The following VMP1 variants were observed in gnomAD, a reference collection of about 807,000 sequenced individuals.
VMP1 encodes the protein ectopic P-granules autophagy protein 3 homolog.
Under a neutral mutation model 56.0 loss-of-function variants are expected in VMP1, and 11 were observed. The ratio of observed to expected loss-of-function variants is 0.20; its 90% CI spans 0.12 to 0.32. VMP1 has a LOEUF of 0.32. Ranked by LOEUF, VMP1 falls within the 10% of genes least tolerant of loss-of-function variation. The probability of loss-of-function intolerance (pLI) is 1.00; values close to 1 mark genes in which losing one functional copy is unlikely to be tolerated. For synonymous variants in VMP1, 149 were observed against 165.0 expected, an observed-to-expected ratio of 0.90 and a Z score of 0.74; for missense variants, 296 against 490.3, an observed-to-expected ratio of 0.60 and a Z score of 3.74.
intron 10 of VMP1, among the ~76,000 whole-genome samples, chr17:59,832,761 A>ATTTTTTTTTTTTTTTTTT (rs71145580): frequency 9.9e-6 from 1 of 101,346 alleles, no homozygotes; most frequent in Non-Finnish European, 1.9e-5. Context: ...GCCTGGCAAT[A>ATTTTTTTTTTTTTTTTTT]TTTTTTTTTT....
rs1475800287 is a variant in VMP1, at chr17:59,720,033, CA to C, written c.-26-11386del. Among the ~76,000 whole-genome samples, 4 of 152,320 alleles carry C rather than the reference CA, an allele frequency of 2.6e-5. No homozygotes were observed. The East Asian group carries it at 7.7e-4, about 29-fold the overall frequency. Reference sequence around the variant, plus strand: ...CACAGACCTATAAGATTTGTTTCAGCAACCTCATTCTTACAAACAAAACTAA... The same window carrying C: ...CACAGACCTATAAGATTTGTTTCAGCACCTCATTCTTACAAACAAAACTAA... On this transcript the variant is annotated intron_variant, in intron 1 of 11. Transcript: ENST00000262291.
intron 5 of VMP1, among the ~76,000 whole-genome samples, chr17:59,740,576 C>A (rs2143845866): frequency 6.6e-6 from 1 of 152,316 alleles, no homozygotes; most frequent in Non-Finnish European, 1.5e-5. Context: ...TATATCATTT[C>A]TCCAAGTTTA....
In VMP1 at chr17:59,841,090, C is replaced by G. The variant is rs1198723936; in HGVS notation, c.*1179C>G. 1 of 172,288 alleles carries G rather than the reference C, an allele frequency of 5.8e-6. No individual in the cohort carries two copies. Among genetic ancestry groups the G allele is most frequent in the Non-Finnish European group, 1.3e-5 (1 of 75,958 alleles). 10.7% of individuals were successfully genotyped at this position (172,288 alleles called of 1,614,324 possible). On this transcript the variant is annotated 3_prime_UTR_variant, in exon 12 of 12. Transcript: ENST00000262291. ...GAAAATAAACAATTTTACTTTTTTC[C>G]TTTAGGAGCATTATGAGCATTATGT...
intron 1 of VMP1, among the ~76,000 whole-genome samples, chr17:59,725,125 C>G (rs1345449883): frequency 6.6e-6 from 1 of 152,052 alleles, no homozygotes; most frequent in African/African-American, 2.4e-5. Flanking sequence ...CCACTGCACT[C>G]CAGCCTGGGC....
At chr17:59,741,742 C>G (rs571984453) in intron 5 of VMP1, among the ~76,000 whole-genome samples, 2 of 152,194 alleles carry the variant, frequency 1.3e-5, no homozygotes, top group East Asian at 3.9e-4. Flanking sequence ...TACGTTTTTA[C>G]TCCTCATGGC....
At chr17:59,834,404 A>G (rs2038912944) in intron 10 of VMP1, among the ~76,000 whole-genome samples, 1 of 152,094 alleles carries the variant, frequency 6.6e-6, no homozygotes, top group South Asian at 2.1e-4. Context: ...AGCTGAGATT[A>G]CAGGCATGTG....
At position 59,797,614 on chromosome 17, in the gene VMP1, C is replaced by G. The variant is rs1449547501; in HGVS notation, c.715-11182C>G. Among the ~76,000 whole-genome samples, 3 of 152,312 alleles carry G rather than the reference C, an allele frequency of 2.0e-5. No individual in the cohort carries two copies. The South Asian group carries it at 6.2e-4, about 32-fold the overall frequency. ...AGTTCAGGCCAGGCACAGTGGCTCA[C>G]GCCTGTAATCCCAGCACTTTGAGAG... On this transcript the variant is annotated intron_variant, in intron 7 of 11. Transcript: ENST00000262291.
At chr17:59,719,422 A>G (rs991285347) in intron 1 of VMP1, among the ~76,000 whole-genome samples, 2 of 152,210 alleles carry the variant, frequency 1.3e-5, no homozygotes, top group African/African-American at 2.4e-5. Context: ...ATGAAGAACA[A>G]TGTGTTTTAT....
intron 7 of VMP1, chr17:59,785,172 CGTT>C (rs2144091911): frequency 6.6e-6 from 1 of 152,114 alleles, no homozygotes; most frequent in Non-Finnish European, 1.5e-5. Flanking sequence ...AGAGTAGAAA[CGTT>C]GTGGTACATA....
chr17:59,836,016 T>G (rs1042812216), intron 10 of VMP1, among the ~76,000 whole-genome samples: 17 of 150,802 alleles, frequency 1.1e-4, no homozygotes, highest in Non-Finnish European at 2.2e-4. Flanking sequence ...TAAGTCTGCT[T>G]AAAAGTCAGG....
chr17:59,761,793 G>A (rs2036062983), intron 5 of VMP1, among the ~76,000 whole-genome samples: 1 of 148,448 alleles, frequency 6.7e-6, no homozygotes, highest in African/African-American at 2.5e-5. Flanking sequence ...AGAGTCTGAA[G>A]GGGACCCCTG....
chr17:59,822,090 C>T (rs997899674), intron 10 of VMP1, among the ~76,000 whole-genome samples: 1 of 152,070 alleles, frequency 6.6e-6, no homozygotes, highest in Non-Finnish European at 1.5e-5. Context: ...GGTCCGCCCA[C>T]CTCAGCCTTC....
chr17:59,837,058 C>G (rs1321082473), intron 10 of VMP1, among the ~76,000 whole-genome samples: 1 of 151,748 alleles, frequency 6.6e-6, no homozygotes, highest in East Asian at 1.9e-4. Context: ...AAAAAAATAG[C>G]CAGGCATGGT....
chr17:59,766,301 C>T (rs976236300), intron 6 of VMP1, among the ~76,000 whole-genome samples: 70 of 152,168 alleles, frequency 4.6e-4, no homozygotes, highest in South Asian at 1.7e-3. Flanking sequence ...GCCAGGAGTT[C>T]GAGATCAGCC....
chr17:59,756,066 T>C (rs996642144), intron 5 of VMP1, among the ~76,000 whole-genome samples: 37 of 152,176 alleles, frequency 2.4e-4, no homozygotes, highest in African/African-American at 8.2e-4. Context: ...ACCAGAGGCA[T>C]AACTTGGGAC....
intron 1 of VMP1, among the ~76,000 whole-genome samples, chr17:59,711,109 G>A (rs2033913948): frequency 1.3e-5 from 2 of 150,928 alleles, no homozygotes; most frequent in Non-Finnish European, 2.9e-5. Flanking sequence ...AAAAGCAGTA[G>A]GAGAGAACTG....
At chr17:59,812,408 T>C (rs1313767139) in intron 9 of VMP1, among the ~76,000 whole-genome samples, 2 of 152,046 alleles carry the variant, frequency 1.3e-5, no homozygotes, top group Non-Finnish European at 2.9e-5. Context: ...ACAAAATCTT[T>C]AGGATGGAGG....
At chr17:59,765,521 G>C (rs1446746317) in intron 6 of VMP1, among the ~76,000 whole-genome samples, 1 of 152,096 alleles carries the variant, frequency 6.6e-6, no homozygotes, top group South Asian at 2.1e-4. Flanking sequence ...ACTGTTGAAC[G>C]GAAGCCTTAA....
At chr17:59,785,520 T>C (rs1381838312) in intron 7 of VMP1, among the ~76,000 whole-genome samples, 6 of 151,846 alleles carry the variant, frequency 4.0e-5, no homozygotes, top group Non-Finnish European at 4.4e-5. Flanking sequence ...TACAAAATTT[T>C]TTGTACTAAA....
Sources: allele counts gnomAD v4.1 joint callset (sites outside exome capture counted in the v4.1 genomes callset), GRCh38; gene constraint gnomAD v4.1.1; transcripts MANE v1.5; gene names NCBI Gene and HGNC (gene_info 2026-07-23, HGNC 2026-07-21).